THRAP3: variants seen among roughly 807,000 people sequenced by gnomAD.
The protein encoded by THRAP3 is thyroid hormone receptor associated protein 3.
A neutral mutation model predicts 101.0 loss-of-function variants in THRAP3; 16 were observed. The ratio of observed to expected loss-of-function variants is 0.16; its 90% CI spans 0.11 to 0.24. The LOEUF (loss-of-function observed/expected upper bound fraction) is 0.24. Among genes scored for constraint, THRAP3 ranks in the 10% least tolerant of loss-of-function variants. The pLI, the probability that THRAP3 is intolerant of heterozygous loss-of-function variation, is 1.00. For missense variants in THRAP3, 989 were observed against 1,202.7 expected, an observed-to-expected ratio of 0.82 and a Z score of 2.63; for synonymous variants, 407 against 422.6, an observed-to-expected ratio of 0.96 and a Z score of 0.45.
rs1431523682 is a variant in THRAP3 at position 36,303,810 on chromosome 1, A to C, written c.2661A>C (p.Glu887Asp). 3 of 1,613,970 alleles carry C rather than the reference A, an allele frequency of 1.9e-6. No individual in the cohort carries two copies. The highest frequency in any genetic ancestry group is 2.7e-5 in the African/African-American group (2 of 74,922). ...TTTCCCCTCAGCATGATGACCGTGA[A>C]GGCGAAGGCAGTGACAAGTGGGTGA... ...SKKYYLHDDREGEGSDKWVSR... is the reference protein window; with the variant it reads ...SKKYYLHDDRDGEGSDKWVSR... The change falls in exon 12 of 12, where the codon GAA becomes GAC. Residue 887 changes from glutamate to aspartate, a missense_variant. Transcript: ENST00000354618.
At chr1:36,214,298 G>A in the THRAP3 span, among the ~76,000 whole-genome samples, 2 of 152,212 alleles carry the variant, frequency 1.3e-5, no homozygotes, top group Non-Finnish European at 2.9e-5. Context: ...GTAGTACCTA[G>A]CTGCTCAAGC....
At chr1:36,300,784 C>A in intron 9 of THRAP3, 102 bp from the exon 10 acceptor site, 2 of 1,185,426 alleles carry the variant, frequency 1.7e-6, no homozygotes, top group Non-Finnish European at 2.4e-6. Flanking sequence ...TTTCTTCCAT[C>A]ACAGGCATAC....
At chr1:36,297,629 G>A (rs1283303075) in intron 9 of THRAP3, among the ~76,000 whole-genome samples, 1 of 151,232 alleles carries the variant, frequency 6.6e-6, no homozygotes, top group Non-Finnish European at 1.5e-5. Flanking sequence ...TTTGTATTTA[G>A]AGATGGAGTT....
intron 5 of THRAP3, among the ~76,000 whole-genome samples, chr1:36,290,185 GTCTC>G (rs558704460): frequency 2.0e-5 from 3 of 151,396 alleles, no homozygotes; most frequent in Admixed American, 6.6e-5. Context: ...TTTTGAGATA[GTCTC>G]TCTCTCTCTC....
At chr1:36,272,847 TG>T (rs1324662717) in intron 2 of THRAP3, among the ~76,000 whole-genome samples, 2 of 152,228 alleles carry the variant, frequency 1.3e-5, no homozygotes, top group African/African-American at 4.8e-5. Flanking sequence ...TGGTCTTATG[TG>T]CCTTTGAATA....
intron 1 of THRAP3, among the ~76,000 whole-genome samples, chr1:36,241,302 G>A (rs1247741025): frequency 2.7e-5 from 4 of 149,336 alleles, no homozygotes; most frequent in Non-Finnish European, 5.9e-5. Context: ...GAGTACTTCA[G>A]GTTTATGTTT....
rs1646060085 is a variant in THRAP3 at position 36,303,835 on chromosome 1, AGCCGGG to A, written c.2697_2702del (p.Arg901_Gly902del). On this transcript the variant is annotated inframe_deletion, in exon 12 of 12. Transcript: ENST00000354618. ...AGGCGAAGGCAGTGACAAGTGGGTG[AGCCGGG>A]GCCGGGGCCGAGGAGCCTTTCCTCG... The A allele has an allele frequency of 6.2e-7, 1 of 1,614,116 alleles. No homozygotes were observed.
intron 1 of THRAP3, among the ~76,000 whole-genome samples, chr1:36,227,765 G>T (rs576920002): frequency 1.3e-5 from 2 of 152,250 alleles, no homozygotes; most frequent in South Asian, 4.1e-4. Flanking sequence ...GGGTAAGTAG[G>T]TTTAATAGTC....
the THRAP3 span, among the ~76,000 whole-genome samples, chr1:36,209,921 GT>G: frequency 6.6e-6 from 1 of 152,206 alleles, no homozygotes; most frequent in African/African-American, 2.4e-5. Context: ...AGTGGCAACA[GT>G]TAGTGGGTGC....
rs377131077 is a variant in THRAP3, at chr1:36,286,347, T to C, written c.138-21T>C. ...CTTGTGTCAAAAATTCAAACATTTG[T>C]CTCTTTCCTTTCCATTCCAGTTCTA... On this transcript the variant is annotated intron_variant, in intron 3 of 11. Coordinates refer to ENST00000354618, the MANE Select transcript of THRAP3 (RefSeq NM_005119.4). This position sits in a 1 kb window ranked among gnomAD's most constrained non-coding sequence, Gnocchi z 5.5. The C allele has an allele frequency of 2.1e-5, 32 of 1,545,398 alleles. No individual in the cohort carries two copies. In the African/African-American group the frequency reaches 3.2e-4, roughly 15 times the overall value.
At chr1:36,243,610 C>T (rs1054379331) in intron 1 of THRAP3, among the ~76,000 whole-genome samples, 21 of 152,364 alleles carry the variant, frequency 1.4e-4, no homozygotes, top group South Asian at 2.1e-4. Flanking sequence ...TCTACACAGA[C>T]ACGGCAACCA....
At chr1:36,226,836 G>A (rs1460811003) in intron 1 of THRAP3, among the ~76,000 whole-genome samples, 5 of 152,160 alleles carry the variant, frequency 3.3e-5, no homozygotes, top group African/African-American at 1.2e-4. Context: ...ATATATTAGG[G>A]TGTGATGACA....
At position 36,300,977 on chromosome 1, in the gene THRAP3, A is replaced by G. The variant is rs763579975; in HGVS notation, c.2395A>G (p.Thr799Ala). Residue 799 changes from threonine to alanine, a missense_variant, in exon 10 of 12, where the codon ACA becomes GCA. Thr to Ala is a moderately conservative substitution (Grantham distance 58). Transcript: ENST00000354618. ...SYKAEEYTEE[T>A]EEREESTTGF... ...CAAAGCAGAAGAGTACACTGAAGAG[A>G]CAGAGGAAAGAGAGGAGAGCACCAC... 8.1e-6 allele frequency: 13 copies of G among 1,614,044 alleles called. No homozygotes were observed. The East Asian group carries it at 2.7e-4, about 33-fold the overall frequency.
intron 2 of THRAP3, among the ~76,000 whole-genome samples, chr1:36,274,103 CACACAG>C (rs998853265): frequency 6.9e-6 from 1 of 143,940 alleles, no homozygotes; most frequent in African/African-American, 2.7e-5. Flanking sequence ...CACACACACA[CACACAG>C]ACAAAATGAG....
At chr1:36,296,524 A>G (rs1645953239) in intron 8 of THRAP3, 59 bp from the exon 9 acceptor site, 11 of 1,407,758 alleles carry the variant, frequency 7.8e-6, no homozygotes, top group Non-Finnish European at 1.1e-5. Flanking sequence ...AGTTTGTGGG[A>G]TGGTTGAGTT....
intron 1 of THRAP3, among the ~76,000 whole-genome samples, chr1:36,249,957 A>C (rs1645279144): frequency 2.0e-5 from 3 of 152,148 alleles, no homozygotes. Flanking sequence ...TGACATGATC[A>C]TATTTGTGAC....
the THRAP3 span, among the ~76,000 whole-genome samples, chr1:36,209,408 G>A: frequency 1.3e-4 from 20 of 152,136 alleles, no homozygotes; most frequent in African/African-American, 1.2e-4. Flanking sequence ...TTTGTCTTGC[G>A]CATTGTAGGA....
intron 11 of THRAP3, among the ~76,000 whole-genome samples, chr1:36,302,326 G>A (rs1469171626): frequency 6.6e-6 from 1 of 152,190 alleles, no homozygotes; most frequent in Non-Finnish European, 1.5e-5. Flanking sequence ...TCCATCACTT[G>A]CCAAAATGGC....
intron 2 of THRAP3, among the ~76,000 whole-genome samples, chr1:36,271,778 G>C (rs149851904): frequency 6.6e-6 from 1 of 151,830 alleles, no homozygotes; most frequent in Non-Finnish European, 1.5e-5. Context: ...ATTTTTAGTA[G>C]AGAAGGGGTT....
Sources: allele counts gnomAD v4.1 joint callset (sites outside exome capture counted in the v4.1 genomes callset), GRCh38; gene constraint gnomAD v4.1.1; non-coding constraint Gnocchi (gnomAD v3.1); transcripts MANE v1.5; gene names NCBI Gene and HGNC (gene_info 2026-07-23, HGNC 2026-07-21).